Variants in BEGAIN observed in about 807,000 individuals in gnomAD.
The protein encoded by BEGAIN is brain enriched guanylate kinase associated.
In BEGAIN, 19 loss-of-function variants were observed where a neutral mutation model predicts 35.8. The observed-to-expected ratio is 0.53, with a 90% CI of 0.37 to 0.78. The LOEUF is 0.78. Ranked by LOEUF, BEGAIN falls within the 30% of genes least tolerant of loss-of-function variation. The pLI is 0.00. For synonymous variants in BEGAIN, 462 were observed against 388.6 expected (o/e 1.19, Z -2.22); for missense variants, 795 against 853.6 (o/e 0.93, Z 0.85).
In BEGAIN at chr14:100,586,890, G is replaced by A. The variant is rs533747267; in HGVS notation, c.42+359C>T. Among the ~76,000 whole-genome samples the A allele has an allele frequency of 1.5e-4, 23 of 152,122 alleles. 1 individual carries two copies. The highest frequency in any genetic ancestry group is 5.5e-4 in the African/African-American group (23 of 41,548). On this transcript the variant is annotated intron_variant, in intron 1 of 6. Transcript: ENST00000554140. The surrounding 1 kb of genome is among the most constrained non-coding windows in gnomAD (Gnocchi z 4.9). ...GCCCGCACCCTCGCCACCCGCCCGG[G>A]ACAGCGGCGGGTCCCCAGTCCTCCG... is the stretch of plus-strand genomic sequence containing the variant.
At position 100,570,607 on chromosome 14, in the gene BEGAIN, G is replaced by A. The variant is rs139057448; in HGVS notation, c.43-2668C>T. ...TGGACCAGCCCAGCACCTGGCAGGG[G>A]CGGGGGGACTAAAAGATGGGTTGTG... is the stretch of plus-strand genomic sequence containing the variant. On this transcript the variant is annotated intron_variant, in intron 1 of 6. Transcript: ENST00000554140. Among the ~76,000 whole-genome samples the A allele has an allele frequency of 8.7e-4, 132 of 152,318 alleles. No homozygotes were observed. In the Middle Eastern group the frequency reaches 0.017, roughly 20 times the overall value.
At chr14:100,562,939 C>T (rs1386496255) in intron 2 of BEGAIN, among the ~76,000 whole-genome samples, 2 of 149,676 alleles carry the variant, frequency 1.3e-5, no homozygotes, top group African/African-American at 2.5e-5. Flanking sequence ...TCAGTGAATG[C>T]GTGTGGAATC....
In BEGAIN at chr14:100,563,957, A is replaced by G. The variant is rs916017547; in HGVS notation, c.71+3954T>C. Among the ~76,000 whole-genome samples the G allele has an allele frequency of 3.9e-5, 6 of 152,218 alleles. No individual in the cohort carries two copies. Among genetic ancestry groups the G allele is most frequent in the African/African-American group, 1.4e-4 (6 of 41,460 alleles). Reference sequence around the variant, plus strand: ...GAATCCAGGTATGAGGTCCCAAAGCAGGCAACATACAACCATCTCTGCTGG... The same window carrying G: ...GAATCCAGGTATGAGGTCCCAAAGCGGGCAACATACAACCATCTCTGCTGG... On this transcript the variant is annotated intron_variant, in intron 2 of 6. Transcript: ENST00000554140. This position sits in a 1 kb window ranked among gnomAD's most constrained non-coding sequence, Gnocchi z 4.2.
intron 6 of BEGAIN, 135 bp downstream of exon 6, chr14:100,540,361 G>A (rs1467658313): frequency 1.4e-5 from 10 of 710,098 alleles, no homozygotes; most frequent in Admixed American, 4.9e-5. Flanking sequence ...CCACAGGAGC[G>A]AGGGGGACAG....
At chr14:100,575,207 T>C (rs2139750586) in intron 1 of BEGAIN, among the ~76,000 whole-genome samples, 1 of 152,244 alleles carries the variant, frequency 6.6e-6, no homozygotes, top group African/African-American at 2.4e-5. Context: ...GGTTGGTGAC[T>C]GGAAGCCAGG....
intron 2 of BEGAIN, 129 bp from the exon 3 acceptor site, chr14:100,546,791 C>A (rs1284896341): frequency 1.7e-6 from 1 of 593,346 alleles, no homozygotes; most frequent in Non-Finnish European, 2.6e-6. Context: ...CACACACACA[C>A]ACACACACAC....
At chr14:100,561,829 C>T (rs545975611) in intron 2 of BEGAIN, among the ~76,000 whole-genome samples, 3 of 152,242 alleles carry the variant, frequency 2.0e-5, no homozygotes, top group East Asian at 3.9e-4. Context: ...GGAGGCAGGC[C>T]TTGCAGAGGA....
intron 5 of BEGAIN, 83 bp from the exon 6 acceptor site, chr14:100,540,662 G>T: frequency 9.4e-7 from 1 of 1,068,626 alleles, no homozygotes; most frequent in Non-Finnish European, 1.4e-6. Context: ...GGCCAGCGGG[G>T]GCAGTGGTGT....
At chr14:100,571,280 A>C (rs1595147724) in intron 1 of BEGAIN, among the ~76,000 whole-genome samples, 5 of 150,716 alleles carry the variant, frequency 3.3e-5, no homozygotes, top group East Asian at 2.0e-4. Flanking sequence ...CTCTCTCCTC[A>C]CTCCCACCTG....
chr14:100,571,111 G>T (rs1407664849), intron 1 of BEGAIN, among the ~76,000 whole-genome samples: 2 of 152,150 alleles, frequency 1.3e-5, no homozygotes, highest in Non-Finnish European at 2.9e-5. Flanking sequence ...CCGCCTCTGG[G>T]CGCTGTCCAG....
At chr14:100,570,075 C>T (rs1595146651) in intron 1 of BEGAIN, among the ~76,000 whole-genome samples, 1 of 152,358 alleles carries the variant, frequency 6.6e-6, no homozygotes, top group South Asian at 2.1e-4. Flanking sequence ...CTGGACCCCA[C>T]TGCTCAGGAG....
chr14:100,540,753 C>G (rs772080055), intron 5 of BEGAIN, among the ~76,000 whole-genome samples, 174 bp from the exon 6 acceptor site: 1 of 152,218 alleles, frequency 6.6e-6, no homozygotes, highest in African/African-American at 2.4e-5. Context: ...CTCTTGCCTG[C>G]AAAATGAGAG....
intron 2 of BEGAIN, among the ~76,000 whole-genome samples, chr14:100,559,566 T>C (rs1323592684): frequency 6.6e-6 from 1 of 152,252 alleles, no homozygotes; most frequent in Admixed American, 6.5e-5. Context: ...GAACCCACGC[T>C]GGCTTTGCTA....
chr14:100,581,380 A>C (rs1056205513), intron 1 of BEGAIN, among the ~76,000 whole-genome samples: 2 of 152,088 alleles, frequency 1.3e-5, no homozygotes, highest in African/African-American at 4.8e-5. Context: ...CTGAGGCTCT[A>C]AGGATGCTGC....
chr14:100,575,932 C>A (rs2035192512), intron 1 of BEGAIN, among the ~76,000 whole-genome samples: 1 of 152,150 alleles, frequency 6.6e-6, no homozygotes, highest in African/African-American at 2.4e-5. Context: ...CAGCAGCCCC[C>A]AGAGGACGGT....
chr14:100,576,134 G>C (rs535262165), intron 1 of BEGAIN, among the ~76,000 whole-genome samples: 1 of 152,284 alleles, frequency 6.6e-6, no homozygotes, highest in South Asian at 2.1e-4. Flanking sequence ...TGACCCTCGA[G>C]ATGCACTTCC....
intron 1 of BEGAIN, among the ~76,000 whole-genome samples, chr14:100,585,351 A>C (rs1041644645): frequency 4.1e-5 from 1 of 24,384 alleles, no homozygotes; most frequent in Non-Finnish European, 7.1e-5. Context: ...CCTCCCTCCC[A>C]TCCATCCATC....
intron 4 of BEGAIN, 37 bp downstream of exon 4, chr14:100,544,963 G>A (rs1256416371): frequency 6.3e-7 from 1 of 1,599,470 alleles, no homozygotes; most frequent in Non-Finnish European, 8.5e-7. Context: ...GGAAGGAGGT[G>A]TGGGGTGGGG....
At chr14:100,583,165 T>A (rs1221387001) in intron 1 of BEGAIN, among the ~76,000 whole-genome samples, 1 of 151,846 alleles carries the variant, frequency 6.6e-6, no homozygotes, top group East Asian at 1.9e-4. Context: ...TCCCTCCATG[T>A]CTGTCCATTC....
Sources: gnomAD v4.1 joint callset for allele counts (sites outside exome capture counted in the v4.1 genomes callset) on GRCh38, gnomAD v4.1.1 for gene constraint, Gnocchi (gnomAD v3.1) non-coding constraint, MANE v1.5 for transcripts, NCBI Gene and HGNC (gene_info 2026-07-23, HGNC 2026-07-21) for gene names.